The following ERBB4 variants were observed in gnomAD, a reference collection of about 807,000 sequenced individuals.
ERBB4 encodes the protein erb-b2 receptor tyrosine kinase 4.
In ERBB4, 42 loss-of-function variants were observed where a neutral mutation model predicts 158.0. The observed-to-expected ratio is 0.27, with a 90% CI of 0.21 to 0.34. The LOEUF (loss-of-function observed/expected upper bound fraction) is 0.34. Ranked by LOEUF, ERBB4 falls within the 10% of genes least tolerant of loss-of-function variation. The pLI, the probability that ERBB4 is intolerant of heterozygous loss-of-function variation, is 1.00. For synonymous variants in ERBB4, 583 were observed against 558.7 expected (o/e 1.04, Z -0.61); for missense variants, 1,333 against 1,624.1 (o/e 0.82, Z 3.08).
chr2:212,256,816 G>A (rs1012177265), intron 1 of ERBB4, among the ~76,000 whole-genome samples: 1 of 152,110 alleles, frequency 6.6e-6, no homozygotes, highest in African/African-American at 2.4e-5. Flanking sequence ...AAATTTCCCA[G>A]ATAAAATATT....
intron 20 of ERBB4, among the ~76,000 whole-genome samples, chr2:211,560,336 G>A (rs2067356549): frequency 7.6e-6 from 1 of 131,488 alleles, no homozygotes; most frequent in South Asian, 2.5e-4. Context: ...GTGCAGTGGT[G>A]TGATCTCGGC....
intron 3 of ERBB4, among the ~76,000 whole-genome samples, chr2:211,842,226 C>T (rs1439395032): frequency 6.7e-6 from 1 of 150,202 alleles, no homozygotes; most frequent in African/African-American, 2.4e-5. Context: ...ACATGTTGTA[C>T]ATATCACAAA....
intron 16 of ERBB4, among the ~76,000 whole-genome samples, chr2:211,637,234 G>A (rs2070395189): frequency 6.6e-6 from 1 of 151,838 alleles, no homozygotes; most frequent in South Asian, 2.1e-4. Flanking sequence ...AAGTGTTCTT[G>A]CTGTAAGAAA....
At chr2:211,420,652 T>C (rs775877413) in intron 24 of ERBB4, 41 bp from the exon 25 acceptor site, 34 of 1,542,570 alleles carry the variant, frequency 2.2e-5, no homozygotes, top group Non-Finnish European at 2.9e-5. Flanking sequence ...TATGATTCTT[T>C]CTTATCTTAA....
intron 3 of ERBB4, among the ~76,000 whole-genome samples, chr2:211,858,543 A>G (rs1288181331): frequency 6.6e-6 from 1 of 152,212 alleles, no homozygotes; most frequent in Non-Finnish European, 1.5e-5. Context: ...GAATGTAACT[A>G]ACTAAAACTG....
intron 1 of ERBB4, among the ~76,000 whole-genome samples, chr2:212,436,752 G>A (rs1574915253): frequency 6.6e-6 from 1 of 152,126 alleles, no homozygotes; most frequent in Admixed American, 6.6e-5. Context: ...CCTTCAAACA[G>A]TAATCCCATG....
intron 1 of ERBB4, among the ~76,000 whole-genome samples, chr2:212,414,278 A>G (rs1487086901): frequency 6.6e-6 from 1 of 152,200 alleles, no homozygotes; most frequent in Non-Finnish European, 1.5e-5. Flanking sequence ...CAATTGGCAG[A>G]TTCATTGCTC....
intron 3 of ERBB4, among the ~76,000 whole-genome samples, chr2:211,867,023 C>CTAAAAA (rs1559592690): frequency 5.1e-5 from 1 of 19,454 alleles, no homozygotes; most frequent in East Asian, 2.7e-3. Context: ...TTCCTTAAAA[C>CTAAAAA]CAAAAAAAAA....
At chr2:212,270,890 A>G (rs954678201) in intron 1 of ERBB4, among the ~76,000 whole-genome samples, 1 of 151,752 alleles carries the variant, frequency 6.6e-6, no homozygotes, top group Non-Finnish European at 1.5e-5. Context: ...TGGACATTCA[A>G]TCATTTAAAT....
At chr2:212,429,427 CT>C (rs1474330499) in intron 1 of ERBB4, among the ~76,000 whole-genome samples, 1 of 152,186 alleles carries the variant, frequency 6.6e-6, no homozygotes, top group Non-Finnish European at 1.5e-5. Context: ...GTGGAGCTTT[CT>C]GTCTTCAACG....
At chr2:211,929,626 G>A (rs936206990) in intron 3 of ERBB4, among the ~76,000 whole-genome samples, 37 of 152,044 alleles carry the variant, frequency 2.4e-4, no homozygotes, top group African/African-American at 7.2e-4. Context: ...AGTTCCATAC[G>A]GTTTTCTGTA....
At chr2:211,568,321 GA>G (rs2067613835) in intron 19 of ERBB4, among the ~76,000 whole-genome samples, 2 of 152,020 alleles carry the variant, frequency 1.3e-5, no homozygotes, top group African/African-American at 2.4e-5. Context: ...AAAAAGCTCT[GA>G]AGCATGTATG....
intron 1 of ERBB4, among the ~76,000 whole-genome samples, chr2:212,311,072 C>G (rs904746944): frequency 2.7e-5 from 4 of 150,736 alleles, no homozygotes; most frequent in Non-Finnish European, 6.0e-5. Context: ...ACAGTACAAA[C>G]TTCCTTGAGA....
In ERBB4 at chr2:212,401,024, G is replaced by A. The variant is rs374542346; in HGVS notation, c.82+137425C>T. ...AGAATGCTATGTTTTGGTTCATAACGATACAGCACTTAATGCCAATTTTAA... is the reference window on the plus strand; with the variant it reads ...AGAATGCTATGTTTTGGTTCATAACAATACAGCACTTAATGCCAATTTTAA... On this transcript the variant is annotated intron_variant, in intron 1 of 27. Transcript: ENST00000342788. Among the ~76,000 whole-genome samples, 46 of 152,232 alleles carry A rather than the reference G, an allele frequency of 3.0e-4. No individual in the cohort carries two copies. In the Middle Eastern group the frequency reaches 0.01, roughly 34 times the overall value.
At chr2:211,404,060 G>A (rs936977703) in intron 25 of ERBB4, among the ~76,000 whole-genome samples, 2 of 152,078 alleles carry the variant, frequency 1.3e-5, no homozygotes, top group African/African-American at 4.8e-5. Context: ...TAGGTACATA[G>A]ATAAGAGAAA....
At chr2:211,475,263 A>G (rs1365656612) in intron 20 of ERBB4, among the ~76,000 whole-genome samples, 2 of 152,106 alleles carry the variant, frequency 1.3e-5, no homozygotes, top group Admixed American at 6.6e-5. Context: ...AAAGACCTGT[A>G]TTAGAATCTC....
At chr2:211,918,695 G>A (rs1172275256) in intron 3 of ERBB4, among the ~76,000 whole-genome samples, 1 of 152,104 alleles carries the variant, frequency 6.6e-6, no homozygotes, top group African/African-American at 2.4e-5. Context: ...CTAGTGAAAT[G>A]TGAAATAGAT....
At chr2:212,525,320 TC>T in intron 1 of ERBB4, among the ~76,000 whole-genome samples, 1 of 152,092 alleles carries the variant, frequency 6.6e-6, no homozygotes, top group East Asian at 1.9e-4. Flanking sequence ...ACATGTGCTA[TC>T]AGCACATGTA....
At chr2:211,427,401 T>C (rs964740450) in intron 22 of ERBB4, among the ~76,000 whole-genome samples, 1 of 152,094 alleles carries the variant, frequency 6.6e-6, no homozygotes, top group African/African-American at 2.4e-5. Context: ...ATTGACTCCT[T>C]CTTGGTATTA....
Sources: allele counts gnomAD v4.1 joint callset (sites outside exome capture counted in the v4.1 genomes callset), GRCh38; gene constraint gnomAD v4.1.1; transcripts MANE v1.5; gene names NCBI Gene and HGNC (gene_info 2026-07-23, HGNC 2026-07-21).